Variants in ZNF654 observed in about 807,000 individuals in gnomAD.
The protein encoded by ZNF654 is zinc finger protein 654.
ZNF654 carries 19 observed loss-of-function variants against 95.3 expected under a neutral mutation model. The ratio of observed to expected loss-of-function variants is 0.20; its 90% confidence interval spans 0.14 to 0.29. ZNF654 has a LOEUF of 0.29. Ranked by LOEUF, ZNF654 falls within the 10% of genes least tolerant of loss-of-function variation. The pLI, the probability that ZNF654 is intolerant of heterozygous loss-of-function variation, is 1.00. For synonymous variants in ZNF654, 413 were observed against 457.9 expected, an observed-to-expected ratio of 0.90 and a Z score of 1.25; for missense variants, 1,046 against 1,341.0, an observed-to-expected ratio of 0.78 and a Z score of 3.44.
intron 1 of ZNF654, among the ~76,000 whole-genome samples, chr3:88,077,727 A>G (rs1211139206): frequency 6.6e-6 from 1 of 152,234 alleles, no homozygotes; most frequent in African/African-American, 2.4e-5. Flanking sequence ...AATGCAATTT[A>G]ACAGAATATT....
At chr3:88,122,893 T>A (rs1705858107) in intron 3 of ZNF654, among the ~76,000 whole-genome samples, 1 of 151,090 alleles carries the variant, frequency 6.6e-6, no homozygotes, top group Non-Finnish European at 1.5e-5. Flanking sequence ...GCCTGTAATC[T>A]CAGCTACTCA....
At position 88,109,142 on chromosome 3, in the gene ZNF654, AGTGTGTGT is replaced by A. The variant is rs35595112; in HGVS notation, c.333-3942_333-3935del. Among the ~76,000 whole-genome samples, 443 of 142,526 alleles carry A rather than the reference AGTGTGTGT, an allele frequency of 3.1e-3. 2 individuals are homozygous for A. The highest frequency in any genetic ancestry group is 9.7e-3 in the African/African-American group (373 of 38,612). The allele number at this position is 142,526 out of a possible 152,430, so 93.5% of individuals were successfully genotyped here. A position where few individuals can be genotyped will look rare whatever the true frequency, so the allele number is the denominator to read the frequency against. ...TATCCCCTGTGGATAAGTGGGCACT[AGTGTGTGT>A]GTGTGTGTGTGTGTGTGTGTGTGTG... On this transcript the variant is annotated intron_variant, in intron 2 of 8. Coordinates refer to ENST00000636215, the MANE Select transcript of ZNF654 (RefSeq NM_001350134.2).
intron 2 of ZNF654, among the ~76,000 whole-genome samples, chr3:88,111,959 C>T (rs561151782): frequency 6.6e-6 from 1 of 151,922 alleles, no homozygotes; most frequent in Non-Finnish European, 1.5e-5. Flanking sequence ...TTACTTTCTG[C>T]GAAATATTCT....
intron 1 of ZNF654, among the ~76,000 whole-genome samples, chr3:88,078,950 T>A (rs1475609120): frequency 6.6e-6 from 1 of 152,090 alleles, no homozygotes; most frequent in East Asian, 1.9e-4. Flanking sequence ...AACTAACTTT[T>A]CAGATTTATA....
chr3:88,134,226 T>C, intron 6 of ZNF654, among the ~76,000 whole-genome samples: 1 of 152,112 alleles, frequency 6.6e-6, no homozygotes, highest in Non-Finnish European at 1.5e-5. Context: ...TTTGTCTGAG[T>C]ACACTATGTG....
At chr3:88,131,863 T>C (rs1706485112) in intron 6 of ZNF654, among the ~76,000 whole-genome samples, 1 of 152,228 alleles carries the variant, frequency 6.6e-6, no homozygotes, top group South Asian at 2.1e-4. Flanking sequence ...GCCTCCAAAG[T>C]CTGTGCTGTC....
intron 2 of ZNF654, among the ~76,000 whole-genome samples, chr3:88,103,850 T>G (rs534311561): frequency 6.8e-6 from 1 of 147,996 alleles, no homozygotes; most frequent in South Asian, 2.2e-4. Context: ...CACTGCAACC[T>G]CTGCCTCTCG....
intron 1 of ZNF654, among the ~76,000 whole-genome samples, chr3:88,076,521 TTTTA>T (rs1326585340): frequency 6.6e-6 from 1 of 152,182 alleles, no homozygotes; most frequent in Non-Finnish European, 1.5e-5. Flanking sequence ...TATGCCCTCC[TTTTA>T]TTTTTCTTTA....
chr3:88,128,450 A>C (rs888629352), intron 4 of ZNF654, among the ~76,000 whole-genome samples: 3 of 152,126 alleles, frequency 2.0e-5, no homozygotes, highest in African/African-American at 7.2e-5. Flanking sequence ...AGCAGTAAGA[A>C]GATAAAGTAT....
intron 1 of ZNF654, among the ~76,000 whole-genome samples, chr3:88,062,616 T>A (rs4858982): frequency 0.78 from 119,195 of 152,148 alleles, 47,614 homozygotes; most frequent in South Asian, 0.91. Flanking sequence ...TGTCATAAAT[T>A]GATTGTAAAC....
chr3:88,068,144 G>A (rs1468882890), intron 1 of ZNF654, among the ~76,000 whole-genome samples: 1 of 151,868 alleles, frequency 6.6e-6, no homozygotes, highest in Non-Finnish European at 1.5e-5. Flanking sequence ...ATGTTGAATT[G>A]ACCCACAGAA....
chr3:88,105,367 G>A (rs1704674433), intron 2 of ZNF654, among the ~76,000 whole-genome samples: 1 of 151,964 alleles, frequency 6.6e-6, no homozygotes, highest in Non-Finnish European at 1.5e-5. Context: ...ACAATTTATG[G>A]TATTCTGTGA....
In ZNF654 at chr3:88,140,114, T is replaced by C; in HGVS notation, c.2445T>C (p.Tyr815=). 1.2e-6 allele frequency: 2 copies of C among 1,613,876 alleles called. No individual in the cohort carries two copies. Among genetic ancestry groups the C allele is most frequent in the Non-Finnish European group, 1.7e-6 (2 of 1,179,810 alleles). ...ATAGACATAGCTATCCAAATGTGTA[T>C]TTTTGTTTGCATTTTAATTGCAACG... ...HLNRHSYPNV[Y]FCLHFNCNES... The change falls in exon 8 of 9, where the codon TAT becomes TAC. Residue 815 remains tyrosine (Y), a synonymous_variant. Coordinates refer to ENST00000636215, the MANE Select transcript of ZNF654 (RefSeq NM_001350134.2).
Position 88,129,705 on chromosome 3 carries a change from T to C in ZNF654, c.772T>C (p.Cys258Arg). 2.0e-6 allele frequency: 3 copies of C among 1,499,552 alleles called. No homozygotes were observed. The highest frequency in any genetic ancestry group is 1.8e-4 in the Middle Eastern group (1 of 5,706). The allele number at this position is 1,499,552 out of a possible 1,614,324, so 92.9% of individuals were successfully genotyped here. ...CTTACAGCATTTATTGAAAACTGAT[T>C]GTAAGAGTGGAATTGATATCATCTG... ...LFREHLLKTD[C>R]KSGIDIICNA... is the part of the protein sequence containing the mutation. The change falls in exon 6 of 9, where the codon TGT becomes CGT. Residue 258 changes from cysteine to arginine, a missense_variant. By Grantham distance (180) the Cys-to-Arg change is radical. This residue lies in a region of ZNF654 where 121 missense variants were observed against 141.7 expected (regional missense o/e 0.85). Coordinates refer to ENST00000636215, the MANE Select transcript of ZNF654 (RefSeq NM_001350134.2).
intron 1 of ZNF654, among the ~76,000 whole-genome samples, chr3:88,064,403 A>C (rs1005153678): frequency 2.6e-5 from 4 of 151,978 alleles, no homozygotes. Flanking sequence ...CCTTCCTGCT[A>C]CCCTCTTTGT....
intron 1 of ZNF654, among the ~76,000 whole-genome samples, chr3:88,076,900 G>T (rs1279544059): frequency 2.6e-5 from 4 of 152,156 alleles, no homozygotes; most frequent in Admixed American, 6.5e-5. Context: ...ACTCTGACCT[G>T]CCTCAAAGGT....
chr3:88,138,266 T>A (rs1410852535), intron 7 of ZNF654, among the ~76,000 whole-genome samples: 1 of 152,134 alleles, frequency 6.6e-6, no homozygotes. Flanking sequence ...CCATAAGCAG[T>A]TTTTTTAAGC....
At chr3:88,087,136 TGG>T (rs1559700492) in intron 2 of ZNF654, among the ~76,000 whole-genome samples, 6 of 151,670 alleles carry the variant, frequency 4.0e-5, no homozygotes, top group African/African-American at 1.5e-4. Context: ...CGGAGTGCAG[TGG>T]TGTGATCTTG....
In ZNF654 at chr3:88,140,252, G is replaced by A. The variant is rs757750732; in HGVS notation, c.2583G>A (p.Leu861=). ...AGCTTTTTGAAGATCTTCCTCTGCT[G>A]TATGAACATGAAGCTCAACACTATT... The part of the protein sequence containing the change: ...CHELFEDLPL[L]YEHEAQHYLS... The change falls in exon 8 of 9, where the codon CTG becomes CTA. Residue 861 remains leucine, a synonymous_variant. Coordinates refer to ENST00000636215, the MANE Select transcript of ZNF654 (RefSeq NM_001350134.2). The A allele has an allele frequency of 4.3e-6, 7 of 1,613,696 alleles. No homozygotes were observed. The highest frequency in any genetic ancestry group is 5.9e-6 in the Non-Finnish European group (7 of 1,179,790).
Sources: gnomAD v4.1 joint callset for allele counts (sites outside exome capture counted in the v4.1 genomes callset) on GRCh38, gnomAD v4.1.1 for gene constraint, gnomAD v4.1.1 regional missense constraint, MANE v1.5 for transcripts, NCBI Gene and HGNC (gene_info 2026-07-23, HGNC 2026-07-21) for gene names.